The following UBAP2 variants were observed in gnomAD, a reference collection of about 807,000 sequenced individuals.
UBAP2 encodes ubiquitin-associated protein 2.
UBAP2 carries 75 observed loss-of-function variants against 139.6 expected under a neutral mutation model. That is an observed-to-expected ratio of 0.54 (90% CI 0.45 to 0.65). The LOEUF is 0.65. UBAP2 is among the 30% of genes least tolerant of loss of function. The pLI is 0.00. For synonymous variants in UBAP2, 526 were observed against 526.2 expected (o/e 1.00, Z 0.01); for missense variants, 1,368 against 1,369.6 (o/e 1.00, Z 0.02).
chr9:33,977,510 A>C (rs1820251822), intron 6 of UBAP2, among the ~76,000 whole-genome samples: 1 of 152,164 alleles, frequency 6.6e-6, no homozygotes, highest in Admixed American at 6.5e-5. Flanking sequence ...TTAATCTAGC[A>C]GCTCAGAATA....
At chr9:34,008,657 G>A (rs1823455271) in intron 2 of UBAP2, among the ~76,000 whole-genome samples, 1 of 151,600 alleles carries the variant, frequency 6.6e-6, no homozygotes, top group African/African-American at 2.4e-5. Context: ...TTACAGAAAA[G>A]GTTAGGCAAT....
At chr9:33,988,835 G>A (rs1257747266) in intron 5 of UBAP2, 138 bp downstream of exon 5, 12 of 902,924 alleles carry the variant, frequency 1.3e-5, no homozygotes, top group Non-Finnish European at 1.9e-5. Flanking sequence ...CGTTCAGAAT[G>A]TATGGAAACT....
At chr9:34,020,972 C>T (rs1018904305) in intron 1 of UBAP2, among the ~76,000 whole-genome samples, 3 of 152,108 alleles carry the variant, frequency 2.0e-5, no homozygotes, top group African/African-American at 7.2e-5. Context: ...CTAGAACGGT[C>T]AGTTTTAGAC....
intron 12 of UBAP2, among the ~76,000 whole-genome samples, chr9:33,949,508 G>C (rs1289018914): frequency 6.6e-6 from 1 of 152,134 alleles, no homozygotes; most frequent in Admixed American, 6.5e-5. Flanking sequence ...TTAGAGACCA[G>C]CCTGGCCAAC....
rs1372994809 is a variant in UBAP2, at chr9:33,939,680, C to T, written c.1929+1969G>A. ...GTTGCAGGCAGTTGTGATCACACCA[C>T]TGCACTTCAGTGGGTGACAGAGCCA... On this transcript the variant is annotated intron_variant, in intron 16 of 28. Coordinates refer to ENST00000379238, the MANE Select transcript of UBAP2 (RefSeq NM_001370062.2). Among the ~76,000 whole-genome samples, 9 of 139,400 alleles carry T rather than the reference C, an allele frequency of 6.5e-5. No homozygotes were observed. The South Asian group carries it at 1.7e-3, about 26-fold the overall frequency. 91.5% of individuals were successfully genotyped at this position (139,400 alleles called of 152,430 possible).
chr9:34,016,759 T>C (rs561687464), intron 2 of UBAP2, among the ~76,000 whole-genome samples: 23 of 151,826 alleles, frequency 1.5e-4, no homozygotes, highest in Admixed American at 1.1e-3. Flanking sequence ...GGTTTCACAA[T>C]GTTGGCCAGG....
intron 11 of UBAP2, 86 bp from the exon 12 acceptor site, chr9:33,953,560 A>T: frequency 1.5e-6 from 2 of 1,341,726 alleles, no homozygotes; most frequent in African/African-American, 2.9e-5. Context: ...TATATAGTGA[A>T]TTTACATTAA....
At chr9:33,938,926 A>T in intron 16 of UBAP2, 1 of 455,634 alleles carries the variant, frequency 2.2e-6, no homozygotes, top group Non-Finnish European at 4.4e-6. Context: ...AGGTAATTTT[A>T]ATCTGTGGAT....
rs1271244994 is a variant in UBAP2, at chr9:33,923,027, G to A, written c.3011C>T (p.Ser1004Leu). The A allele has an allele frequency of 1.2e-6, 2 of 1,614,108 alleles. No homozygotes were observed. Among genetic ancestry groups the A allele is most frequent in the East Asian group, 2.2e-5 (1 of 44,880 alleles). The change falls in exon 27 of 29, where the codon TCA (serine) becomes TTA (leucine). Residue 1004 changes from serine (S) to leucine (L), a missense_variant. By Grantham distance (145) the Ser-to-Leu change is moderately radical. Coordinates refer to ENST00000379238, the MANE Select transcript of UBAP2 (RefSeq NM_001370062.2). ...TAGACCAGTGGTGCTTGAAGACACTGATACTCCTAGGAGGAAAAGCAGTTG... is the reference window on the plus strand; with the variant it reads ...TAGACCAGTGGTGCTTGAAGACACTAATACTCCTAGGAGGAAAAGCAGTTG... ...SAGSGPGKGVSVSSSTTGLPD... is the reference protein window; with the variant it reads ...SAGSGPGKGVLVSSSTTGLPD...
At chr9:33,966,094 T>C (rs1299410430) in intron 8 of UBAP2, among the ~76,000 whole-genome samples, 1 of 151,946 alleles carries the variant, frequency 6.6e-6, no homozygotes. Context: ...AACTTTTTTT[T>C]CCTTTTCAAA....
chr9:33,994,413 G>A (rs1821971052), intron 4 of UBAP2: 1 of 147,314 alleles, frequency 6.8e-6, no homozygotes, highest in African/African-American at 2.6e-5. Context: ...GATCCAAAAA[G>A]ATCCTCTCCA....
intron 1 of UBAP2, among the ~76,000 whole-genome samples, chr9:34,030,352 G>A (rs775402382): frequency 1.3e-5 from 2 of 152,012 alleles, no homozygotes; most frequent in Non-Finnish European, 2.9e-5. Context: ...GGGAGGCTGA[G>A]GCAGGAGAAT....
intron 1 of UBAP2, among the ~76,000 whole-genome samples, chr9:34,018,879 T>TAAATAAAA (rs34147964): frequency 2.7e-4 from 41 of 151,818 alleles, no homozygotes; most frequent in Middle Eastern, 3.4e-3. Flanking sequence ...AATAAATAAA[T>TAAATAAAA]TTTAAAAATA....
At chr9:33,943,704 G>T (rs1825425335) in intron 14 of UBAP2, 115 bp from the exon 15 acceptor site, 1 of 915,098 alleles carries the variant, frequency 1.1e-6, no homozygotes. Context: ...CAAGAAGAAG[G>T]AGTGAGAAAC....
chr9:34,031,366 G>T (rs1010983258), intron 1 of UBAP2, among the ~76,000 whole-genome samples: 1 of 151,862 alleles, frequency 6.6e-6, no homozygotes, highest in Admixed American at 6.6e-5. Flanking sequence ...GGTGGCATGT[G>T]TCTGTAATCT....
intron 3 of UBAP2, chr9:33,997,052 A>C (rs906185003): frequency 1.3e-5 from 2 of 152,176 alleles, no homozygotes; most frequent in African/African-American, 4.8e-5. Flanking sequence ...AAAAAAGAAG[A>C]AAAAACATCA....
At chr9:34,016,821 G>A (rs1824393517) in intron 2 of UBAP2, among the ~76,000 whole-genome samples, 1 of 151,934 alleles carries the variant, frequency 6.6e-6, no homozygotes, top group Non-Finnish European at 1.5e-5. Context: ...GCCTCCCAAA[G>A]TGCTGGGATT....
intron 4 of UBAP2, chr9:33,995,545 A>AAATG (rs1822120978): frequency 8.4e-6 from 1 of 119,626 alleles, no homozygotes. Context: ...ATTATTAAAT[A>AAATG]TATTATTAAA....
chr9:33,955,892 A>G (rs906420844), intron 11 of UBAP2, among the ~76,000 whole-genome samples, 187 bp downstream of exon 11: 2 of 152,166 alleles, frequency 1.3e-5, no homozygotes, highest in Non-Finnish European at 2.9e-5. Flanking sequence ...CAAATTCATC[A>G]GTGGATACAT....
Sources: allele counts gnomAD v4.1 joint callset (sites outside exome capture counted in the v4.1 genomes callset), GRCh38; gene constraint gnomAD v4.1.1; transcripts MANE v1.5; gene names NCBI Gene and HGNC (gene_info 2026-07-23, HGNC 2026-07-21).